MAST2: variants seen among roughly 807,000 people sequenced by gnomAD.
MAST2 encodes the protein microtubule associated serine/threonine kinase 2, also known as microtubule-associated serine/threonine-protein kinase 2.
Under a neutral mutation model 147.4 loss-of-function variants are expected in MAST2, and 70 were observed. The observed-to-expected ratio is 0.47, with a 90% CI of 0.39 to 0.58. The LOEUF is 0.58. Ranked by LOEUF, MAST2 falls within the 20% of genes least tolerant of loss-of-function variation. The pLI, the probability that MAST2 is intolerant of heterozygous loss-of-function variation, is 0.00. For synonymous variants in MAST2, 869 were observed against 896.8 expected, an observed-to-expected ratio of 0.97 and a Z score of 0.55; for missense variants, 2,080 against 2,302.3, an observed-to-expected ratio of 0.90 and a Z score of 1.98.
chr1:45,840,955 A>G (rs1338199712), intron 3 of MAST2, among the ~76,000 whole-genome samples: 7 of 152,028 alleles, frequency 4.6e-5, no homozygotes, highest in Admixed American at 3.9e-4. Context: ...TGGTTCATTA[A>G]TCTCTATTTT....
intron 6 of MAST2, among the ~76,000 whole-genome samples, chr1:45,998,421 A>G (rs1645143002): frequency 1.3e-5 from 2 of 152,236 alleles, no homozygotes; most frequent in Admixed American, 6.5e-5. Context: ...GGCCCATGGC[A>G]GCAACGCTGA....
At chr1:45,949,157 A>G (rs546748641) in intron 4 of MAST2, among the ~76,000 whole-genome samples, 2 of 152,004 alleles carry the variant, frequency 1.3e-5, no homozygotes, top group East Asian at 1.9e-4. Context: ...ACCATCCTGG[A>G]CACAGGAATG....
intron 4 of MAST2, among the ~76,000 whole-genome samples, chr1:45,902,451 T>C (rs1483513381): frequency 1.3e-5 from 2 of 152,172 alleles, no homozygotes; most frequent in South Asian, 2.1e-4. Context: ...TTTTTTGTTG[T>C]GTCCTTCTCA....
In MAST2 at chr1:46,029,837, C is replaced by G. The variant is rs1318107477; in HGVS notation, c.2327C>G (p.Ala776Gly). ...ATGTCCTCCCTGTCCACAGGCAGTG[C>G]CTATGAGGTGAAGCAGCACCCATTC... The part of the protein sequence containing the change: ...NPLERLGTGS[A>G]YEVKQHPFFT... Residue 776 changes from alanine to glycine, a missense_variant, in exon 20 of 29, where the codon GCC becomes GGC. By Grantham distance (60) the Ala-to-Gly change is moderately conservative (BLOSUM62 0). This residue lies in a region of MAST2 where 209 missense variants were observed against 309.5 expected (regional missense o/e 0.68). Coordinates refer to ENST00000361297, the MANE Select transcript of MAST2 (RefSeq NM_015112.3). 6.2e-7 allele frequency: 1 copy of G among 1,613,970 alleles called. No homozygotes were observed. The highest frequency in any genetic ancestry group is 8.5e-7 in the Non-Finnish European group (1 of 1,179,992).
At chr1:45,840,302 CA>C (rs1036908077) in intron 3 of MAST2, among the ~76,000 whole-genome samples, 2 of 152,182 alleles carry the variant, frequency 1.3e-5, no homozygotes, top group Non-Finnish European at 2.9e-5. Context: ...ATCTAGAAGT[CA>C]TAATGAATGT....
intron 3 of MAST2, among the ~76,000 whole-genome samples, chr1:45,869,948 A>G (rs1646313731): frequency 7.4e-6 from 1 of 135,370 alleles, no homozygotes; most frequent in African/African-American, 2.9e-5. Flanking sequence ...TTTGAGACAG[A>G]GTTTTGCTCT....
chr1:45,830,727 T>C (rs1265168685), intron 3 of MAST2, among the ~76,000 whole-genome samples: 3 of 150,946 alleles, frequency 2.0e-5, no homozygotes, highest in Non-Finnish European at 4.5e-5. Flanking sequence ...TTAAAGTATA[T>C]GTATAAGAAT....
intron 3 of MAST2, among the ~76,000 whole-genome samples, chr1:45,833,511 G>GATAT (rs780171665): frequency 6.6e-6 from 1 of 152,094 alleles, no homozygotes; most frequent in Non-Finnish European, 1.5e-5. Flanking sequence ...TTTTAATGTA[G>GATAT]ATATATGTTT....
chr1:45,944,808 C>G (rs1657806546), intron 4 of MAST2, among the ~76,000 whole-genome samples: 1 of 152,186 alleles, frequency 6.6e-6, no homozygotes, highest in South Asian at 2.1e-4. Flanking sequence ...GATCTTCTGC[C>G]TTCCTCTTGG....
intron 3 of MAST2, among the ~76,000 whole-genome samples, chr1:45,839,326 C>A (rs1029627372): frequency 1.3e-5 from 2 of 152,080 alleles, no homozygotes; most frequent in African/African-American, 4.8e-5. Context: ...GATGGGGTTT[C>A]ACCATGTTGG....
intron 4 of MAST2, among the ~76,000 whole-genome samples, chr1:45,908,680 T>G (rs1280323446): frequency 6.6e-6 from 1 of 152,146 alleles, no homozygotes; most frequent in Non-Finnish European, 1.5e-5. Flanking sequence ...TTCTTGAGAC[T>G]TTTTTTATGG....
rs374457931 is a variant in MAST2, at chr1:46,034,518, C to G, written c.3869-20C>G. On this transcript the variant is annotated intron_variant, in intron 28 of 28. Transcript: ENST00000361297. ...CACTGCTCTGCTTTTGTCTGTCTGTCTGTCTGTCTCTGTACAAAGTGGGAG... is the reference window on the plus strand; with the variant it reads ...CACTGCTCTGCTTTTGTCTGTCTGTGTGTCTGTCTCTGTACAAAGTGGGAG... The G allele has an allele frequency of 2.2e-5, 35 of 1,603,352 alleles. No individual in the cohort carries two copies. Among genetic ancestry groups the G allele is most frequent in the Non-Finnish European group, 2.8e-5 (33 of 1,173,350 alleles).
Position 46,034,537 on chromosome 1 carries a change from G to A in MAST2, c.3869-1G>A, listed in dbSNP as rs1646819595. 2.5e-6 allele frequency: 4 copies of A among 1,612,254 alleles called. No individual in the cohort carries two copies. Among genetic ancestry groups the A allele is most frequent in the Non-Finnish European group, 3.4e-6 (4 of 1,179,126 alleles). ...GTCTGTCTGTCTGTCTCTGTACAAA[G>A]TGGGAGGGAATTCATCACAGAGCAG... On this transcript the variant is annotated splice_acceptor_variant, in intron 28 of 28. Transcript: ENST00000361297. LOFTEE classifies it high-confidence loss of function.
intron 18 of MAST2, 113 bp from the exon 19 acceptor site, chr1:46,029,353 C>G: frequency 1.3e-6 from 1 of 788,894 alleles, no homozygotes; most frequent in Non-Finnish European, 2.0e-6. Context: ...CTTTCAGGGG[C>G]TCCAGGCTGG....
intron 4 of MAST2, among the ~76,000 whole-genome samples, chr1:45,950,430 C>T (rs891998483): frequency 6.6e-6 from 1 of 152,146 alleles, no homozygotes; most frequent in African/African-American, 2.4e-5. Context: ...CTGGCATGTA[C>T]AGATAAAAAG....
At chr1:46,014,993 A>G (rs1198264499) in intron 10 of MAST2, among the ~76,000 whole-genome samples, 3 of 151,952 alleles carry the variant, frequency 2.0e-5, no homozygotes, top group Non-Finnish European at 2.9e-5. Flanking sequence ...CCACAGTGCA[A>G]TCAAACTAGA....
chr1:45,912,243 A>G (rs1391597456), intron 4 of MAST2, among the ~76,000 whole-genome samples: 1 of 152,148 alleles, frequency 6.6e-6, no homozygotes, highest in Non-Finnish European at 1.5e-5. Flanking sequence ...GGTAATTAGA[A>G]CAGTGGCTTT....
At chr1:45,829,725 TA>T in intron 3 of MAST2, 144 bp downstream of exon 3, 3 of 926,406 alleles carry the variant, frequency 3.2e-6, no homozygotes, top group East Asian at 2.7e-5. Flanking sequence ...AATTTATTAT[TA>T]TTTTTTTTAG....
At chr1:45,922,927 G>C (rs961881801) in intron 4 of MAST2, among the ~76,000 whole-genome samples, 8 of 152,204 alleles carry the variant, frequency 5.3e-5, no homozygotes, top group African/African-American at 1.7e-4. Flanking sequence ...TGGTGACCGT[G>C]CCAGTTGTTT....
Sources: gnomAD v4.1 joint callset for allele counts (sites outside exome capture counted in the v4.1 genomes callset) on GRCh38, gnomAD v4.1.1 for gene constraint, gnomAD v4.1.1 regional missense constraint, MANE v1.5 for transcripts, NCBI Gene and HGNC (gene_info 2026-07-23, HGNC 2026-07-21) for gene names.